CACNA2D3: variants seen among roughly 807,000 people sequenced by gnomAD.
CACNA2D3 encodes calcium voltage-gated channel auxiliary subunit alpha2delta 3.
A neutral mutation model predicts 160.6 loss-of-function variants in CACNA2D3; 60 were observed. That is an observed-to-expected ratio of 0.37 (90% CI 0.30 to 0.46). The LOEUF is 0.46. Among genes scored for constraint, CACNA2D3 ranks in the 20% least tolerant of loss-of-function variants. The pLI, the probability that CACNA2D3 is intolerant of heterozygous loss-of-function variation, is 1.00. For missense variants in CACNA2D3, 1,205 were observed against 1,365.0 expected, an observed-to-expected ratio of 0.88 and a Z score of 1.85; for synonymous variants, 558 against 492.9, an observed-to-expected ratio of 1.13 and a Z score of -1.75.
At chr3:54,599,898 G>T (rs904134988) in intron 9 of CACNA2D3, among the ~76,000 whole-genome samples, 4 of 152,158 alleles carry the variant, frequency 2.6e-5, no homozygotes, top group Non-Finnish European at 1.5e-5. Context: ...TGGCTGCCAG[G>T]GTCTCTGCCT....
At chr3:54,491,969 A>G (rs985610772) in intron 4 of CACNA2D3, among the ~76,000 whole-genome samples, 2 of 152,190 alleles carry the variant, frequency 1.3e-5, no homozygotes, top group Admixed American at 1.3e-4. Context: ...ACAGGCAGTC[A>G]CTGCCAGCCC....
At chr3:54,856,251 CAAG>C (rs1699167832) in intron 17 of CACNA2D3, among the ~76,000 whole-genome samples, 1 of 135,692 alleles carries the variant, frequency 7.4e-6, no homozygotes, top group Non-Finnish European at 1.7e-5. Context: ...AGAGTACTGA[CAAG>C]AAGGAGAATT....
At chr3:54,700,540 G>A (rs1027743637) in intron 11 of CACNA2D3, among the ~76,000 whole-genome samples, 1 of 152,170 alleles carries the variant, frequency 6.6e-6, no homozygotes, top group Non-Finnish European at 1.5e-5. Flanking sequence ...ATAAAGTTCT[G>A]TTGGACATTG....
chr3:54,918,602 C>G, intron 27 of CACNA2D3: 1 of 1,613,976 alleles, frequency 6.2e-7, no homozygotes, highest in East Asian at 2.2e-5. Flanking sequence ...ATGAGACACA[C>G]AATCCCACAC....
intron 13 of CACNA2D3, 123 bp from the exon 14 acceptor site, chr3:54,816,730 T>G (rs1211654409): frequency 1.9e-6 from 2 of 1,039,328 alleles, no homozygotes; most frequent in African/African-American, 3.2e-5. Context: ...TACCTCTTTT[T>G]CACTTGTCTC....
At chr3:54,512,028 T>G (rs2106963513) in intron 5 of CACNA2D3, among the ~76,000 whole-genome samples, 1 of 152,252 alleles carries the variant, frequency 6.6e-6, no homozygotes, top group South Asian at 2.1e-4. Flanking sequence ...CTGGGCTGAC[T>G]CAGTTAGTTA....
intron 14 of CACNA2D3, among the ~76,000 whole-genome samples, chr3:54,834,192 A>T (rs1223031170): frequency 6.6e-6 from 1 of 152,138 alleles, no homozygotes; most frequent in African/African-American, 2.4e-5. Context: ...ACTGATTTTT[A>T]CTGGTTGCAG....
At chr3:54,126,026 C>T (rs999805764) in intron 2 of CACNA2D3, among the ~76,000 whole-genome samples, 5 of 152,106 alleles carry the variant, frequency 3.3e-5, no homozygotes, top group African/African-American at 1.2e-4. Flanking sequence ...GATGACAATA[C>T]TATGTTGTAT....
intron 11 of CACNA2D3, among the ~76,000 whole-genome samples, chr3:54,724,838 C>T (rs563357056): frequency 3.9e-5 from 6 of 152,170 alleles, no homozygotes; most frequent in South Asian, 4.1e-4. Flanking sequence ...AAAATTGACA[C>T]GCTAATATCA....
intron 14 of CACNA2D3, among the ~76,000 whole-genome samples, chr3:54,829,494 CAT>C (rs372262228): frequency 7.9e-5 from 12 of 152,252 alleles, no homozygotes; most frequent in African/African-American, 2.4e-4. Context: ...TAAATTGCCA[CAT>C]AGTCTGCTTA....
chr3:54,496,520 G>A (rs924863876), intron 4 of CACNA2D3, among the ~76,000 whole-genome samples: 18 of 152,248 alleles, frequency 1.2e-4, no homozygotes, highest in Admixed American at 1.1e-3. Context: ...AGCTACAGGA[G>A]TTGTTTACAT....
intron 17 of CACNA2D3, among the ~76,000 whole-genome samples, chr3:54,868,284 C>G (rs1403625796): frequency 6.6e-6 from 1 of 152,070 alleles, no homozygotes; most frequent in African/African-American, 2.4e-5. Flanking sequence ...TGTTTCATAC[C>G]CATTTTACGT....
chr3:54,826,654 C>T (rs2106736682), intron 14 of CACNA2D3, among the ~76,000 whole-genome samples: 1 of 152,182 alleles, frequency 6.6e-6, no homozygotes, highest in South Asian at 2.1e-4. Context: ...TCCCAGACTC[C>T]CTTCCTCTAT....
chr3:54,402,016 A>T (rs1053026426), intron 4 of CACNA2D3, among the ~76,000 whole-genome samples: 1 of 152,178 alleles, frequency 6.6e-6, no homozygotes, highest in Non-Finnish European at 1.5e-5. Flanking sequence ...GCAAAAGTCA[A>T]GAGTGTTTGT....
At chr3:54,268,931 G>GT (rs1404501399) in intron 2 of CACNA2D3, among the ~76,000 whole-genome samples, 1 of 152,206 alleles carries the variant, frequency 6.6e-6, no homozygotes, top group Non-Finnish European at 1.5e-5. Context: ...TCTTCTGGAA[G>GT]TATGTGGCTT....
At chr3:54,654,187 TG>T (rs1160570016) in intron 11 of CACNA2D3, among the ~76,000 whole-genome samples, 1 of 151,972 alleles carries the variant, frequency 6.6e-6, no homozygotes, top group Non-Finnish European at 1.5e-5. Context: ...GGGTTGGCAG[TG>T]GGGGGTCTTG....
At chr3:54,555,788 A>G (rs1048132178) in intron 5 of CACNA2D3, among the ~76,000 whole-genome samples, 1 of 152,220 alleles carries the variant, frequency 6.6e-6, no homozygotes, top group Non-Finnish European at 1.5e-5. Context: ...ATTGGATAGG[A>G]ATATTGGAGA....
chr3:54,414,635 A>G (rs567922625), intron 4 of CACNA2D3, among the ~76,000 whole-genome samples: 90 of 151,988 alleles, frequency 5.9e-4, no homozygotes, highest in Non-Finnish European at 1.1e-3. Context: ...AAAAACTCCT[A>G]TATCTTTTCC....
intron 5 of CACNA2D3, among the ~76,000 whole-genome samples, chr3:54,532,575 A>G (rs914763085): frequency 6.6e-6 from 1 of 152,194 alleles, no homozygotes; most frequent in Non-Finnish European, 1.5e-5. Context: ...TTTCTGAGTT[A>G]TTCCACTGAA....
Sources: allele counts gnomAD v4.1 joint callset (sites outside exome capture counted in the v4.1 genomes callset), GRCh38; gene constraint gnomAD v4.1.1; transcripts MANE v1.5; gene names NCBI Gene and HGNC (gene_info 2026-07-23, HGNC 2026-07-21).